EXD3: variants seen among roughly 807,000 people sequenced by gnomAD.
EXD3 encodes the protein exonuclease mut-7 homolog.
In EXD3, 92 loss-of-function variants were observed where a neutral mutation model predicts 98.0. The ratio of observed to expected loss-of-function variants is 0.94; its 90% confidence interval spans 0.79 to 1.12. EXD3 has a LOEUF of 1.12. Among genes scored for constraint, EXD3 ranks in the 50% most tolerant of loss-of-function variants. The pLI is 0.00. For missense variants in EXD3, 1,222 were observed against 1,191.6 expected, an observed-to-expected ratio of 1.03 and a Z score of -0.38; for synonymous variants, 569 against 526.0, an observed-to-expected ratio of 1.08 and a Z score of -1.12.
At chr9:137,379,377 C>G (rs1348013725) in intron 3 of EXD3, among the ~76,000 whole-genome samples, 3 of 66,160 alleles carry the variant, frequency 4.5e-5, no homozygotes, top group African/African-American at 3.2e-4. Context: ...TTGCCTGGGG[C>G]CGAGGGGAAT....
At chr9:137,307,944 C>T (rs536146875) in intron 20 of EXD3, among the ~76,000 whole-genome samples, 17 of 138,580 alleles carry the variant, frequency 1.2e-4, no homozygotes, top group Admixed American at 4.0e-4. Context: ...GCCTGAGAAC[C>T]GGCGGGCGGG....
chr9:137,320,099 C>T (rs191281894), intron 19 of EXD3, among the ~76,000 whole-genome samples: 71 of 152,328 alleles, frequency 4.7e-4, no homozygotes, highest in Non-Finnish European at 8.2e-4. Flanking sequence ...GCAGGGGGAA[C>T]GCTTGGTTCT....
In EXD3 at chr9:137,348,084, C is replaced by T. The variant is rs200498331; in HGVS notation, c.1985G>A (p.Arg662His). ...CCGCAAACTCACCTCGGCCGCCCTG[C>T]GGTGGTCTTCACCATTGCCCAGCAT... The part of the protein sequence containing the change: ...ARMLGNGEDH[R>H]RAAEVARQEG... Residue 662 changes from arginine to histidine, a missense_variant, in exon 17 of 22, where the codon CGC becomes CAC. By Grantham distance (29) the Arg-to-His change is conservative. Coordinates refer to ENST00000340951, the MANE Select transcript of EXD3 (RefSeq NM_017820.5). 1.4e-5 allele frequency: 23 copies of T among 1,611,002 alleles called. No individual in the cohort carries two copies. The highest frequency in any genetic ancestry group is 8.4e-5 in the Admixed American group (5 of 59,798).
At chr9:137,387,991 C>T (rs1836691221) in intron 2 of EXD3, among the ~76,000 whole-genome samples, 2 of 152,202 alleles carry the variant, frequency 1.3e-5, no homozygotes, top group Admixed American at 1.3e-4. Flanking sequence ...GAGGCTGGGC[C>T]CTGACCCTGG....
intron 3 of EXD3, chr9:137,374,998 A>T (rs953015037): frequency 2.9e-6 from 1 of 342,360 alleles, no homozygotes; most frequent in African/African-American, 2.2e-5. Flanking sequence ...AGCTCTTGTG[A>T]GTTCTAACCC....
At chr9:137,308,668 ACT>A (rs1241501538) in intron 20 of EXD3, among the ~76,000 whole-genome samples, 2 of 124,142 alleles carry the variant, frequency 1.6e-5, no homozygotes, top group African/African-American at 6.4e-5. Context: ...ACGGAGTCTC[ACT>A]CTGTCCCCAA....
At position 137,373,200 on chromosome 9, in the gene EXD3, T is replaced by C. The variant is rs1055603061; in HGVS notation, c.295-128A>G. On this transcript the variant is annotated intron_variant, in intron 4 of 21. Transcript: ENST00000340951. ...GGCCATGTGTGGGCATCGGGTGGTC[T>C]GCAGGGCTGGGGCACGGGAGGGGCG... The C allele has an allele frequency of 8.7e-5, 108 of 1,242,596 alleles. No individual in the cohort carries two copies. The African/African-American group carries it at 1.3e-3, about 15-fold the overall frequency. 77.0% of individuals were successfully genotyped at this position (1,242,596 alleles called of 1,614,324 possible). A position where few individuals can be genotyped will look rare whatever the true frequency, so the allele number is the denominator to read the frequency against.
rs1588208240 is a variant in EXD3, at chr9:137,307,659, G to A, written c.2279-13C>T. 1 of 1,608,756 alleles carries A rather than the reference G, an allele frequency of 6.2e-7. No individual in the cohort carries two copies. Among genetic ancestry groups the A allele is most frequent in the Non-Finnish European group, 8.5e-7 (1 of 1,179,664 alleles). ...GTGGCCTCGTCACCTGTCAGTCAAG[G>A]AAGAGAGCTGGTCCGGGACTGTCCT... On this transcript the variant is annotated splice_polypyrimidine_tract_variant and intron_variant, in intron 20 of 21. Coordinates refer to ENST00000340951, the MANE Select transcript of EXD3 (RefSeq NM_017820.5).
intron 18 of EXD3, 95 bp downstream of exon 18, chr9:137,323,995 C>T: frequency 6.5e-7 from 1 of 1,531,340 alleles, no homozygotes; most frequent in Non-Finnish European, 8.8e-7. Context: ...GGGTCGGCCC[C>T]ACGGCAAGCT....
chr9:137,327,777 AAAAACAACAAATATACACCCACATG>A (rs1832525634), intron 17 of EXD3, among the ~76,000 whole-genome samples: 1 of 140,960 alleles, frequency 7.1e-6, no homozygotes, highest in Admixed American at 7.0e-5. Context: ...TAGGATGAGT[AAAAACAACAAATATACACCCACATG>A]ATGAGTAAAA....
At chr9:137,378,270 A>G (rs1378010754) in intron 3 of EXD3, among the ~76,000 whole-genome samples, 5 of 150,988 alleles carry the variant, frequency 3.3e-5, no homozygotes, top group African/African-American at 1.2e-4. Flanking sequence ...GTGCAGTGGC[A>G]TGATCTTGGC....
intron 1 of EXD3, among the ~76,000 whole-genome samples, chr9:137,409,341 CCTTAGA>C (rs1837885264): frequency 6.6e-6 from 1 of 152,228 alleles, no homozygotes; most frequent in South Asian, 2.1e-4. Context: ...CTCCCCTCAC[CCTTAGA>C]CTTAGCCTCC....
At chr9:137,363,335 C>CTTT (rs71387828) in intron 7 of EXD3, among the ~76,000 whole-genome samples, 1 of 81,192 alleles carries the variant, frequency 1.2e-5, no homozygotes, top group African/African-American at 5.3e-5. Flanking sequence ...GTGCAATTTC[C>CTTT]TTTTTTTTTT....
intron 19 of EXD3, among the ~76,000 whole-genome samples, chr9:137,315,144 G>A (rs1027232202): frequency 6.6e-6 from 1 of 152,194 alleles, no homozygotes; most frequent in Non-Finnish European, 1.5e-5. Flanking sequence ...GGGGGCTAGC[G>A]CCTGGCAGTG....
chr9:137,378,768 T>C (rs942779888), intron 3 of EXD3, among the ~76,000 whole-genome samples: 3 of 152,234 alleles, frequency 2.0e-5, no homozygotes, highest in African/African-American at 7.2e-5. Context: ...TGTGACCGCA[T>C]GTGTGTGAAC....
chr9:137,417,556 G>A (rs957622922), intron 1 of EXD3, among the ~76,000 whole-genome samples: 58 of 152,324 alleles, frequency 3.8e-4, no homozygotes, highest in African/African-American at 1.3e-3. Flanking sequence ...CCTCTCCCGG[G>A]CAGAGACCAC....
chr9:137,354,418 C>G, intron 9 of EXD3, 41 bp from the exon 10 acceptor site: 3 of 1,611,884 alleles, frequency 1.9e-6, no homozygotes, highest in Non-Finnish European at 2.5e-6. Context: ...CAGGCAGCTC[C>G]AGAGGCTGTA....
At chr9:137,352,547 G>A in intron 11 of EXD3, 73 bp downstream of exon 11, 5 of 1,364,392 alleles carry the variant, frequency 3.7e-6, no homozygotes, top group Non-Finnish European at 4.9e-6. Context: ...AGACTGGTGA[G>A]CTGTCGTCCC....
intron 19 of EXD3, among the ~76,000 whole-genome samples, chr9:137,312,933 G>C (rs1320130380): frequency 3.3e-5 from 5 of 152,210 alleles, no homozygotes; most frequent in Non-Finnish European, 7.3e-5. Flanking sequence ...GCCCACTTGG[G>C]TGTAGGGGTC....
Sources: allele counts gnomAD v4.1 joint callset (sites outside exome capture counted in the v4.1 genomes callset), GRCh38; gene constraint gnomAD v4.1.1; transcripts MANE v1.5; gene names NCBI Gene and HGNC (gene_info 2026-07-23, HGNC 2026-07-21).